Variants in DEFB1 observed in about 807,000 individuals in gnomAD.
The protein encoded by DEFB1 is defensin beta 1, also known as beta-defensin 1.
In DEFB1, 4 loss-of-function variants were observed where a neutral mutation model predicts 2.6. That is an observed-to-expected ratio of 1.53 (90% CI 0.76 to 3.51). The LOEUF (loss-of-function observed/expected upper bound fraction) is 3.51. DEFB1 is among the 30% of genes most tolerant of loss of function. The pLI is 0.01. For missense variants in DEFB1, 162 were observed against 76.9 expected, an observed-to-expected ratio of 2.11 and a Z score of -4.14; for synonymous variants, 56 against 28.5, an observed-to-expected ratio of 1.96 and a Z score of -3.07.
intron 1 of DEFB1, among the ~76,000 whole-genome samples, chr8:6,874,140 C>CAT (rs1806430528): frequency 1.5e-5 from 1 of 64,784 alleles, no homozygotes. Context: ...CACACACACA[C>CAT]ACACACGCAC....
chr8:6,870,690 G>A lies in DEFB1; in HGVS notation c.198C>T (p.Cys66=), dbSNP rs1218471398. 4.3e-6 allele frequency: 7 copies of A among 1,613,998 alleles called. No individual in the cohort carries two copies. The highest frequency in any genetic ancestry group is 5.9e-6 in the Non-Finnish European group (7 of 1,179,992). ...QGTCYRGKAK[C]CK The stretch of plus-strand genomic sequence containing the variant: ...TCTGGTCACTCCCAGCTCACTTGCA[G>A]CACTTGGCCTTCCCTCTGTAACAGG... Residue 66 remains cysteine, a synonymous_variant, in exon 2 of 2, where the codon TGC becomes TGT. Coordinates refer to ENST00000297439, the MANE Select transcript of DEFB1 (RefSeq NM_005218.4).
intron 1 of DEFB1, among the ~76,000 whole-genome samples, chr8:6,876,584 C>G (rs916696046): frequency 2.0e-5 from 3 of 151,840 alleles, no homozygotes; most frequent in Admixed American, 6.6e-5. Flanking sequence ...TTGCTTGTGC[C>G]CAGGAGTTTG....
rs938622558 is a variant in DEFB1 at position 6,877,930 on chromosome 8, G to C, written c.-73C>G. ...GGCTCCTTTGGAGGCTGAGCTGACA[G>C]AGGCTTCCAGAGGCTGGAGCGTCAC... On this transcript the variant is annotated 5_prime_UTR_variant, in exon 1 of 2. Transcript: ENST00000297439. The C allele has an allele frequency of 5.3e-6, 7 of 1,317,304 alleles. No individual in the cohort carries two copies. The highest frequency in any genetic ancestry group is 7.7e-6 in the Non-Finnish European group (7 of 911,726). 81.6% of individuals were successfully genotyped at this position (1,317,304 alleles called of 1,614,324 possible).
At chr8:6,873,615 A>G (rs1806404316) in intron 1 of DEFB1, among the ~76,000 whole-genome samples, 1 of 152,216 alleles carries the variant, frequency 6.6e-6, no homozygotes, top group Non-Finnish European at 1.5e-5. Flanking sequence ...AAGAAAGCCA[A>G]GTACCACATG....
intron 1 of DEFB1, among the ~76,000 whole-genome samples, chr8:6,872,555 G>A (rs573435987): frequency 3.1e-4 from 47 of 152,220 alleles, no homozygotes; most frequent in South Asian, 1.2e-3. Context: ...GGAAGGGCCC[G>A]GAAACCAGGC....
Position 6,870,832 on chromosome 8 carries a change from A to T in DEFB1, c.62-6T>A. On this transcript the variant is annotated splice_region_variant and splice_polypyrimidine_tract_variant and intron_variant, in intron 1 of 1. Coordinates refer to ENST00000297439, the MANE Select transcript of DEFB1 (RefSeq NM_005218.4). ...GCCTGTGAGAAAGTTACCACCTGTA[A>T]GGAGGGAACACAAACACTTCAGACT... is the stretch of plus-strand genomic sequence containing the variant. 2 of 1,610,624 alleles carry T rather than the reference A, an allele frequency of 1.2e-6. No homozygotes were observed. Among genetic ancestry groups the T allele is most frequent in the Non-Finnish European group, 1.7e-6 (2 of 1,178,630 alleles).
At chr8:6,877,027 C>G (rs1173864162) in intron 1 of DEFB1, among the ~76,000 whole-genome samples, 1 of 152,170 alleles carries the variant, frequency 6.6e-6, no homozygotes, top group African/African-American at 2.4e-5. Flanking sequence ...CTTACAGAGA[C>G]TTTCTGAACT....
In DEFB1 at chr8:6,870,756, A is replaced by G. The variant is rs767638079; in HGVS notation, c.132T>C (p.Cys44=). Residue 44 remains cysteine (C), a synonymous_variant, in exon 2 of 2, where the codon TGT becomes TGC. Transcript: ENST00000297439. Reference sequence around the variant, plus strand: ...TAAAGATCGGGCAGGCAGAATAGAGACATTGCCCTCCACTGCTGACGCAAT... The same window carrying G: ...TAAAGATCGGGCAGGCAGAATAGAGGCATTGCCCTCCACTGCTGACGCAAT... ...HYNCVSSGGQ[C]LYSACPIFTK... The G allele has an allele frequency of 9.3e-6, 15 of 1,614,104 alleles. No individual in the cohort carries two copies. The East Asian group carries it at 3.1e-4, about 34-fold the overall frequency.
At chr8:6,871,271 G>C (rs569910862) in intron 1 of DEFB1, among the ~76,000 whole-genome samples, 2 of 152,024 alleles carry the variant, frequency 1.3e-5, no homozygotes, top group African/African-American at 4.8e-5. Flanking sequence ...CTTGAATCCC[G>C]GCCCCCTCAC....
intron 1 of DEFB1, among the ~76,000 whole-genome samples, chr8:6,873,264 C>G (rs975938773): frequency 6.6e-6 from 1 of 152,222 alleles, no homozygotes; most frequent in Non-Finnish European, 1.5e-5. Flanking sequence ...GCCTCCTGAT[C>G]TCACTTCAGT....
intron 1 of DEFB1, among the ~76,000 whole-genome samples, chr8:6,875,538 G>A (rs879351454): frequency 4.6e-5 from 7 of 152,158 alleles, no homozygotes; most frequent in African/African-American, 1.7e-4. Flanking sequence ...ATTTATCAGG[G>A]AAATGCAGAT....
intron 1 of DEFB1, among the ~76,000 whole-genome samples, chr8:6,873,584 C>G (rs1017631105): frequency 2.0e-5 from 3 of 152,156 alleles, no homozygotes; most frequent in African/African-American, 7.2e-5. Context: ...GGCCAATATC[C>G]TAAACAAATT....
chr8:6,873,432 C>G (rs1016926542), intron 1 of DEFB1, among the ~76,000 whole-genome samples: 2 of 152,174 alleles, frequency 1.3e-5, no homozygotes, highest in African/African-American at 4.8e-5. Flanking sequence ...ATTCTGTGTT[C>G]CACATCTAAT....
intron 1 of DEFB1, among the ~76,000 whole-genome samples, chr8:6,875,024 T>G (rs1159931831): frequency 6.8e-6 from 1 of 146,778 alleles, no homozygotes; most frequent in African/African-American, 2.5e-5. Flanking sequence ...ATATTCATAT[T>G]GGGGAAAAAA....
intron 1 of DEFB1, among the ~76,000 whole-genome samples, chr8:6,875,478 A>C (rs1806489453): frequency 6.6e-6 from 1 of 152,242 alleles, no homozygotes; most frequent in Non-Finnish European, 1.5e-5. Flanking sequence ...GGTATTTTAC[A>C]AAAAATAACC....
At chr8:6,874,595 G>C (rs1310819174) in intron 1 of DEFB1, among the ~76,000 whole-genome samples, 1 of 152,230 alleles carries the variant, frequency 6.6e-6, no homozygotes, top group African/African-American at 2.4e-5. Flanking sequence ...AATGGAATAA[G>C]ATAGAGTGTA....
At chr8:6,872,468 G>A (rs1289254194) in intron 1 of DEFB1, among the ~76,000 whole-genome samples, 2 of 151,922 alleles carry the variant, frequency 1.3e-5, no homozygotes, top group Non-Finnish European at 2.9e-5. Flanking sequence ...AAGGTACTCT[G>A]TATTGATACC....
At chr8:6,876,684 TCA>T (rs1210254721) in intron 1 of DEFB1, among the ~76,000 whole-genome samples, 2 of 151,550 alleles carry the variant, frequency 1.3e-5, no homozygotes, top group African/African-American at 4.9e-5. Context: ...ATGCCTGTAG[TCA>T]CAGTTTCTTG....
At chr8:6,876,510 G>A (rs540583584) in intron 1 of DEFB1, among the ~76,000 whole-genome samples, 2 of 151,712 alleles carry the variant, frequency 1.3e-5, no homozygotes, top group African/African-American at 4.8e-5. Flanking sequence ...AAAAAAACAC[G>A]GTAGGCTGAG....
Sources: gnomAD v4.1 joint callset for allele counts (sites outside exome capture counted in the v4.1 genomes callset) on GRCh38, gnomAD v4.1.1 for gene constraint, MANE v1.5 for transcripts, NCBI Gene and HGNC (gene_info 2026-07-23, HGNC 2026-07-21) for gene names.